Variants in SGCZ observed in about 807,000 individuals in gnomAD.
SGCZ encodes the protein zeta-sarcoglycan.
In SGCZ, 40 loss-of-function variants were observed where a neutral mutation model predicts 41.3. The observed-to-expected ratio is 0.97, with a 90% CI of 0.75 to 1.26. The LOEUF (loss-of-function observed/expected upper bound fraction) is 1.26, where lower values mean the gene tolerates loss of function less well. SGCZ is among the 50% of genes most tolerant of loss of function. The probability of loss-of-function intolerance (pLI) is 0.00; values close to 1 mark genes in which losing one functional copy is unlikely to be tolerated. For missense variants in SGCZ, 552 were observed against 369.8 expected (o/e 1.49, Z -4.04); for synonymous variants, 206 against 137.5 (o/e 1.50, Z -3.49).
At chr8:14,717,996 G>GATATATATAT (rs140343071) in intron 1 of SGCZ, among the ~76,000 whole-genome samples, 3,521 of 144,928 alleles carry the variant, frequency 0.024, 55 homozygotes, top group African/African-American at 0.038. Context: ...TCTAAAATAA[G>GATATATATAT]ATATATATAT....
At chr8:14,301,608 T>C (rs7004879) in intron 3 of SGCZ, among the ~76,000 whole-genome samples, 20,452 of 152,104 alleles carry the variant, frequency 0.13, 1,550 homozygotes, top group Admixed American at 0.21. Context: ...GTTTCTCTAA[T>C]AGAATAACTG....
intron 5 of SGCZ, among the ~76,000 whole-genome samples, chr8:14,113,232 T>C (rs1455804178): frequency 6.6e-6 from 1 of 152,110 alleles, no homozygotes; most frequent in Non-Finnish European, 1.5e-5. Context: ...AGCCCATTTG[T>C]GTGTTCAAAC....
At chr8:14,896,494 T>G (rs910865847) in intron 1 of SGCZ, among the ~76,000 whole-genome samples, 2 of 151,928 alleles carry the variant, frequency 1.3e-5, no homozygotes, top group Non-Finnish European at 2.9e-5. Flanking sequence ...ATGATTATTT[T>G]GAGACAGAGC....
At chr8:14,955,615 AT>A (rs1445357132) in intron 1 of SGCZ, among the ~76,000 whole-genome samples, 1 of 152,214 alleles carries the variant, frequency 6.6e-6, no homozygotes, top group Non-Finnish European at 1.5e-5. Context: ...ATGGAATCAA[AT>A]TATGATTTCA....
At chr8:14,600,701 CATG>C (rs1265935432) in intron 1 of SGCZ, among the ~76,000 whole-genome samples, 1 of 152,056 alleles carries the variant, frequency 6.6e-6, no homozygotes, top group East Asian at 1.9e-4. Context: ...ATGGCTGTGT[CATG>C]ATTTCAACTA....
intron 3 of SGCZ, among the ~76,000 whole-genome samples, chr8:14,286,391 G>A (rs980301464): frequency 7.9e-5 from 12 of 152,148 alleles, no homozygotes; most frequent in Admixed American, 1.3e-4. Flanking sequence ...TCTAATTAGC[G>A]AATGCGTGCA....
chr8:15,074,426 T>C (rs1805459315), intron 1 of SGCZ, among the ~76,000 whole-genome samples: 1 of 152,202 alleles, frequency 6.6e-6, no homozygotes, highest in Non-Finnish European at 1.5e-5. Flanking sequence ...AATGGGCTCC[T>C]GACTGCTGTA....
At position 14,088,976 on chromosome 8, in the gene SGCZ, C is replaced by T. The variant is rs889854474; in HGVS notation, c.*1467G>A. 6.6e-6 allele frequency among the ~76,000 whole-genome samples: 1 copy of T among 151,842 alleles called. No homozygotes were observed. The highest frequency in any genetic ancestry group is 2.4e-5 in the African/African-American group (1 of 41,394). On this transcript the variant is annotated 3_prime_UTR_variant, in exon 8 of 8. Transcript: ENST00000382080. ...ATGAGGGAGAAAAACGTTTGATTGA[C>T]ATGTGAAAATTCAGGACTTACCTTA...
intron 2 of SGCZ, among the ~76,000 whole-genome samples, chr8:14,509,379 A>G (rs28493084): frequency 0.037 from 5,636 of 152,260 alleles, 128 homozygotes; most frequent in East Asian, 0.079. Flanking sequence ...AAAGTGAGTT[A>G]AAATGACAGA....
At chr8:15,175,773 A>G (rs973506850) in intron 1 of SGCZ, among the ~76,000 whole-genome samples, 2 of 152,196 alleles carry the variant, frequency 1.3e-5, no homozygotes, top group Non-Finnish European at 2.9e-5. Flanking sequence ...TAGATAGTCA[A>G]TTAAATAAAG....
intron 1 of SGCZ, among the ~76,000 whole-genome samples, chr8:14,994,382 G>A (rs910262092): frequency 2.4e-4 from 36 of 152,036 alleles, no homozygotes; most frequent in African/African-American, 2.2e-4. Context: ...TCAGGAGTTC[G>A]AAACCAGCCT....
chr8:15,096,038 T>C (rs185673539), intron 1 of SGCZ, among the ~76,000 whole-genome samples: 3 of 152,264 alleles, frequency 2.0e-5, no homozygotes, highest in Admixed American at 1.3e-4. Context: ...CTGTGCCTTA[T>C]TTAATCCATA....
At chr8:14,433,152 A>G (rs1472813987) in intron 2 of SGCZ, among the ~76,000 whole-genome samples, 1 of 152,194 alleles carries the variant, frequency 6.6e-6, no homozygotes, top group African/African-American at 2.4e-5. Flanking sequence ...TATTACAATT[A>G]GTATGCAACA....
At chr8:14,243,933 A>T (rs1798982879) in intron 3 of SGCZ, among the ~76,000 whole-genome samples, 1 of 152,180 alleles carries the variant, frequency 6.6e-6, no homozygotes, top group African/African-American at 2.4e-5. Flanking sequence ...TGTCCTGAAA[A>T]CATAGTATGC....
intron 1 of SGCZ, among the ~76,000 whole-genome samples, chr8:15,130,440 C>G (rs975901720): frequency 4.6e-5 from 7 of 152,082 alleles, no homozygotes; most frequent in Non-Finnish European, 8.8e-5. Context: ...ACACGATTAC[C>G]AAAAGAATTT....
intron 1 of SGCZ, among the ~76,000 whole-genome samples, chr8:15,218,532 A>G (rs992565343): frequency 1.6e-4 from 24 of 152,218 alleles, no homozygotes; most frequent in African/African-American, 5.1e-4. Context: ...TTTAGTTCTA[A>G]CATACATCCA....
chr8:14,122,683 A>C (rs111677617), intron 5 of SGCZ, among the ~76,000 whole-genome samples: 62 of 152,342 alleles, frequency 4.1e-4, no homozygotes, highest in African/African-American at 1.4e-3. Context: ...TAACATCTTC[A>C]CTGGCTAATT....
At chr8:14,576,200 G>A (rs1804707136) in intron 1 of SGCZ, among the ~76,000 whole-genome samples, 1 of 152,152 alleles carries the variant, frequency 6.6e-6, no homozygotes, top group Non-Finnish European at 1.5e-5. Flanking sequence ...ATCTCCCAAG[G>A]TTTTGTGGTG....
intron 4 of SGCZ, among the ~76,000 whole-genome samples, chr8:14,183,011 C>A (rs1298544008): frequency 1.5e-3 from 123 of 83,726 alleles, no homozygotes; most frequent in African/African-American, 2.5e-3. Context: ...AACTCCGTCT[C>A]AAAAAAAAAA....
Sources: gnomAD v4.1 joint callset for allele counts (sites outside exome capture counted in the v4.1 genomes callset) on GRCh38, gnomAD v4.1.1 for gene constraint, MANE v1.5 for transcripts, NCBI Gene and HGNC (gene_info 2026-07-23, HGNC 2026-07-21) for gene names.